LAMB3: variants seen among roughly 807,000 people sequenced by gnomAD.
LAMB3 encodes the protein laminin subunit beta-3.
LAMB3 carries 104 observed loss-of-function variants against 140.3 expected under a neutral mutation model. That is an observed-to-expected ratio of 0.74 (90% CI 0.63 to 0.87). The LOEUF (loss-of-function observed/expected upper bound fraction) is 0.87. LAMB3 is among the 40% of genes least tolerant of loss of function. LAMB3 has a pLI of 0.00. For missense variants in LAMB3, 1,531 were observed against 1,575.2 expected, an observed-to-expected ratio of 0.97 and a Z score of 0.47; for synonymous variants, 592 against 602.9, an observed-to-expected ratio of 0.98 and a Z score of 0.26.
rs188432120 is a variant in LAMB3, at chr1:209,651,879, G to A, written c.-38+490C>T. ...GCTGGGGGCTTGGCAAGGCAGGGGC[G>A]GGGGGGGAAATTGAGGACATTTCTG... On this transcript the variant is annotated intron_variant, in intron 1 of 22. Coordinates refer to ENST00000356082, the MANE Select transcript of LAMB3 (RefSeq NM_000228.3). Among the ~76,000 whole-genome samples the A allele has an allele frequency of 5.5e-3, 834 of 150,620 alleles. 12 individuals carry two copies. The highest frequency in any genetic ancestry group is 0.019 in the African/African-American group (779 of 40,990).
At chr1:209,638,274 A>T (rs1339486286) in intron 4 of LAMB3, among the ~76,000 whole-genome samples, 1 of 152,204 alleles carries the variant, frequency 6.6e-6, no homozygotes, top group Non-Finnish European at 1.5e-5. Context: ...TAATTCTGCA[A>T]GCCCACCCAC....
intron 3 of LAMB3, among the ~76,000 whole-genome samples, chr1:209,645,928 C>A (rs746327087): frequency 6.6e-6 from 1 of 152,178 alleles, no homozygotes; most frequent in Non-Finnish European, 1.5e-5. Flanking sequence ...GATAAGGGTG[C>A]ATTTACATGC....
intron 9 of LAMB3, among the ~76,000 whole-genome samples, chr1:209,630,241 C>T (rs73081660): frequency 0.012 from 1,836 of 152,270 alleles, 38 homozygotes; most frequent in African/African-American, 0.042. Context: ...ACACTGGTCT[C>T]CTCCTGGGTC....
chr1:209,640,165 G>A (rs1344174346), intron 3 of LAMB3, among the ~76,000 whole-genome samples: 1 of 152,180 alleles, frequency 6.6e-6, no homozygotes, highest in Admixed American at 6.5e-5. Context: ...GCTTGGAGGT[G>A]CCCTTGGCAT....
chr1:209,651,180 A>G, intron 1 of LAMB3, 199 bp from the exon 2 acceptor site: 1 of 570,688 alleles, frequency 1.8e-6, no homozygotes, highest in Non-Finnish European at 3.2e-6. Context: ...GTGGCATGTG[A>G]CTCACAGGGT....
chr1:209,619,047 C>T (rs1235914608), intron 18 of LAMB3, among the ~76,000 whole-genome samples: 2 of 152,204 alleles, frequency 1.3e-5, no homozygotes, highest in African/African-American at 4.8e-5. Flanking sequence ...GAAACTGGAG[C>T]TGCTTCCTTG....
chr1:209,650,109 C>T lies in LAMB3; in HGVS notation c.38G>A (p.Gly13Asp), dbSNP rs746335563. Residue 13 changes from glycine to aspartate, a missense_variant, in exon 3 of 23, where the codon GGC (glycine) becomes GAC (aspartate). Gly to Asp is a moderately conservative substitution (Grantham distance 94). Coordinates refer to ENST00000356082, the MANE Select transcript of LAMB3 (RefSeq NM_000228.3). Reference sequence around the variant, plus strand: ...GCAGGCTTGTTGGGCATGCAGGAGGCCAGGCAGGGCTGAAATCACAGGGAT... The same window carrying T: ...GCAGGCTTGTTGGGCATGCAGGAGGTCAGGCAGGGCTGAAATCACAGGGAT... ...PFFLLCFALP[G>D]LLHAQQACSR... The T allele has an allele frequency of 5.6e-6, 9 of 1,613,136 alleles. No individual in the cohort carries two copies. The highest frequency in any genetic ancestry group is 1.3e-5 in the African/African-American group (1 of 74,866).
At chr1:209,636,645 G>T (rs935895860) in intron 5 of LAMB3, among the ~76,000 whole-genome samples, 2 of 151,964 alleles carry the variant, frequency 1.3e-5, no homozygotes, top group African/African-American at 2.4e-5. Flanking sequence ...GCATTCCCTT[G>T]CCCCCAACCC....
chr1:209,620,639 C>T (rs1415032958), intron 18 of LAMB3, among the ~76,000 whole-genome samples: 1 of 152,192 alleles, frequency 6.6e-6, no homozygotes, highest in Non-Finnish European at 1.5e-5. Context: ...AAGCTAGATG[C>T]CTTTAGGCAA....
At chr1:209,617,616 G>T (rs1221859524) in intron 20 of LAMB3, 30 bp from the exon 21 acceptor site, 1 of 1,612,376 alleles carries the variant, frequency 6.2e-7, no homozygotes, top group South Asian at 1.1e-5. Flanking sequence ...TCTGGCCTTT[G>T]TGGTGGGTCT....
At position 209,617,569 on chromosome 1, in the gene LAMB3, C is replaced by A. The variant is rs1666017295; in HGVS notation, c.3069G>T (p.Arg1023=). 6.2e-7 allele frequency: 1 copy of A among 1,614,040 alleles called. No individual in the cohort carries two copies. Among genetic ancestry groups the A allele is most frequent in the South Asian group, 1.1e-5 (1 of 91,080 alleles). ...DRVAEVQQVL[R]PAEKLVTSMT... The stretch of plus-strand genomic sequence containing the variant: ...TGCTTGTCACCAGCTTTTCTGCTGG[C>A]CGCAGTACCTGCTGAACCTTTGTGG... The change falls in exon 21 of 23, where the codon CGG becomes CGT. Residue 1023 remains arginine (R), a synonymous_variant. Coordinates refer to ENST00000356082, the MANE Select transcript of LAMB3 (RefSeq NM_000228.3).
At chr1:209,622,067 G>C (rs1209159637) in intron 18 of LAMB3, among the ~76,000 whole-genome samples, 1 of 152,226 alleles carries the variant, frequency 6.6e-6, no homozygotes, top group Non-Finnish European at 1.5e-5. Flanking sequence ...GCCCTGGAAA[G>C]AGGACTTCAG....
intron 1 of LAMB3, among the ~76,000 whole-genome samples, chr1:209,651,782 A>G (rs1024526336): frequency 6.2e-5 from 8 of 128,930 alleles, no homozygotes; most frequent in Non-Finnish European, 1.1e-4. Flanking sequence ...TCATGCAGTG[A>G]CCCTTCTGCC....
intron 2 of LAMB3, 94 bp from the exon 3 acceptor site, chr1:209,650,212 A>T: frequency 2.4e-6 from 3 of 1,263,832 alleles, no homozygotes; most frequent in Non-Finnish European, 3.4e-6. Context: ...CATTAGCAAG[A>T]TTATATCCTT....
At chr1:209,628,667 G>T (rs1184851625) in intron 10 of LAMB3, among the ~76,000 whole-genome samples, 1 of 147,070 alleles carries the variant, frequency 6.8e-6, no homozygotes, top group Non-Finnish European at 1.5e-5. Flanking sequence ...TTGCACTCCA[G>T]CCTGGGCAAC....
At position 209,616,704 on chromosome 1, in the gene LAMB3, C is replaced by A; in HGVS notation, c.3229-80G>T. On this transcript the variant is annotated intron_variant, in intron 21 of 22. Coordinates refer to ENST00000356082, the MANE Select transcript of LAMB3 (RefSeq NM_000228.3). Reference sequence around the variant, plus strand: ...CCTGTGGCCAAAGCACTTGATATCACCCAAATCAATACACAGTGGGAAGGT... The same window carrying A: ...CCTGTGGCCAAAGCACTTGATATCAACCAAATCAATACACAGTGGGAAGGT... 2.1e-6 allele frequency: 3 copies of A among 1,399,240 alleles called. No individual in the cohort carries two copies. In the South Asian group the frequency reaches 3.6e-5, roughly 17 times the overall value. 86.7% of individuals were successfully genotyped at this position (1,399,240 alleles called of 1,614,324 possible).
intron 5 of LAMB3, among the ~76,000 whole-genome samples, chr1:209,635,493 C>G (rs1052601568): frequency 3.9e-5 from 6 of 152,200 alleles, no homozygotes; most frequent in African/African-American, 1.4e-4. Context: ...ACCTCCGCCT[C>G]CTAGGTTCCA....
At chr1:209,628,683 C>T (rs377576278) in intron 10 of LAMB3, among the ~76,000 whole-genome samples, 1 of 151,228 alleles carries the variant, frequency 6.6e-6, no homozygotes, top group Non-Finnish European at 1.5e-5. Flanking sequence ...GCAACAAGAG[C>T]GAAACCATCT....
chr1:209,649,599 G>C (rs910162360), intron 3 of LAMB3, among the ~76,000 whole-genome samples: 5 of 152,118 alleles, frequency 3.3e-5, no homozygotes, highest in African/African-American at 1.2e-4. Context: ...ACACATCCCA[G>C]CACCAAATAA....
Sources: allele counts gnomAD v4.1 joint callset (sites outside exome capture counted in the v4.1 genomes callset), GRCh38; gene constraint gnomAD v4.1.1; transcripts MANE v1.5; gene names NCBI Gene and HGNC (gene_info 2026-07-23, HGNC 2026-07-21).